CCSER2: variants seen among roughly 807,000 people sequenced by gnomAD.
CCSER2 encodes the protein serine-rich coiled-coil domain-containing protein 2.
In CCSER2, 46 loss-of-function variants were observed where a neutral mutation model predicts 92.3. The observed-to-expected ratio is 0.50, with a 90% CI of 0.39 to 0.64. The LOEUF (loss-of-function observed/expected upper bound fraction) is 0.64, where lower values mean the gene tolerates loss of function less well. Ranked by LOEUF, CCSER2 falls within the 30% of genes least tolerant of loss-of-function variation. The pLI, the probability that CCSER2 is intolerant of heterozygous loss-of-function variation, is 0.00. For missense variants in CCSER2, 1,244 were observed against 1,238.9 expected (o/e 1.00, Z -0.06); for synonymous variants, 433 against 431.4 (o/e 1.00, Z -0.04).
intron 1 of CCSER2, among the ~76,000 whole-genome samples, chr10:84,348,941 A>G (rs1341827616): frequency 6.6e-6 from 1 of 152,266 alleles, no homozygotes; most frequent in Middle Eastern, 3.4e-3. Context: ...TATCTCCTAA[A>G]TACTTCAACA....
At position 84,518,117 on chromosome 10, in the gene CCSER2, C is replaced by A. The variant is rs1849656714; in HGVS notation, c.*3850C>A. 1 of 152,134 alleles carries A rather than the reference C, an allele frequency of 6.6e-6. No individual in the cohort carries two copies. The highest frequency in any genetic ancestry group is 1.5e-5 in the Non-Finnish European group (1 of 68,016). The allele number at this position is 152,134 out of a possible 1,614,324, so 9.4% of individuals were successfully genotyped here. ...CTTTTTAAATTCTGATGCTTGAATT[C>A]TATTTTCTAGTGATTTTTCACATCT... On this transcript the variant is annotated 3_prime_UTR_variant, in exon 10 of 10. Transcript: ENST00000372088.
intron 3 of CCSER2, among the ~76,000 whole-genome samples, chr10:84,410,254 A>T (rs1842582855): frequency 6.6e-6 from 1 of 152,136 alleles, no homozygotes; most frequent in African/African-American, 2.4e-5. Context: ...TAATAGAATT[A>T]TTTATATTTC....
At chr10:84,376,209 T>C (rs894525597) in intron 3 of CCSER2, among the ~76,000 whole-genome samples, 1 of 152,198 alleles carries the variant, frequency 6.6e-6, no homozygotes, top group Non-Finnish European at 1.5e-5. Context: ...CCTGGCTATT[T>C]ATTTGTTTAC....
At chr10:84,457,355 A>AT (rs1845778743) in intron 6 of CCSER2, among the ~76,000 whole-genome samples, 24 of 65,666 alleles carry the variant, frequency 3.7e-4, no homozygotes, top group Non-Finnish European at 5.8e-4. Flanking sequence ...TATATAATAT[A>AT]TATATTTATT....
rs772457263 is a variant in CCSER2, at chr10:84,371,210, A to G, written c.158A>G (p.Asn53Ser). ...AGTAATGTCAAAAGTTACATCAAAA[A>G]TAATGGCTCTGATTGTCCATCATCT... ...KNSNVKSYIK[N>S]NGSDCPSSHS... Residue 53 changes from asparagine (N) to serine (S), a missense_variant, in exon 2 of 10, where the codon AAT (asparagine) becomes AGT (serine). Transcript: ENST00000372088. 6 of 1,613,454 alleles carry G rather than the reference A, an allele frequency of 3.7e-6. No homozygotes were observed. The highest frequency in any genetic ancestry group is 4.2e-6 in the Non-Finnish European group (5 of 1,179,756).
chr10:84,359,487 C>A (rs993706261), intron 1 of CCSER2, among the ~76,000 whole-genome samples: 3 of 152,162 alleles, frequency 2.0e-5, no homozygotes, highest in African/African-American at 7.2e-5. Context: ...TACAGAATTG[C>A]TGAGCACTAT....
chr10:84,386,492 G>A (rs945629182), intron 3 of CCSER2, among the ~76,000 whole-genome samples: 16 of 152,162 alleles, frequency 1.1e-4, no homozygotes, highest in African/African-American at 2.4e-4. Flanking sequence ...TGAGGCAGGC[G>A]GATCACTTGA....
intron 9 of CCSER2, among the ~76,000 whole-genome samples, chr10:84,512,423 G>T (rs550362358): frequency 1.2e-4 from 18 of 144,210 alleles, no homozygotes; most frequent in African/African-American, 4.1e-4. Flanking sequence ...AGAGGAGAGA[G>T]ATAATGCATT....
chr10:84,499,751 A>C, intron 9 of CCSER2: 1 of 789,488 alleles, frequency 1.3e-6, no homozygotes, highest in Non-Finnish European at 2.0e-6. Flanking sequence ...AAAAAATGAA[A>C]TCTGTCTTCT....
intron 6 of CCSER2, among the ~76,000 whole-genome samples, chr10:84,451,968 A>G (rs957098997): frequency 6.6e-6 from 1 of 152,202 alleles, no homozygotes; most frequent in Non-Finnish European, 1.5e-5. Flanking sequence ...CTCAAAAATT[A>G]TTTGTAGTGC....
intron 9 of CCSER2, among the ~76,000 whole-genome samples, chr10:84,483,776 A>G (rs184782469): frequency 8.9e-5 from 13 of 145,324 alleles, no homozygotes; most frequent in African/African-American, 3.0e-4. Context: ...AAAAATGTCA[A>G]TTTTTTTTCT....
intron 9 of CCSER2, among the ~76,000 whole-genome samples, chr10:84,484,490 CGTGTGTGTGT>C (rs143391336): frequency 2.0e-5 from 3 of 147,294 alleles, no homozygotes; most frequent in Non-Finnish European, 3.0e-5. Flanking sequence ...TGTGCATGCA[CGTGTGTGTGT>C]GTGTGTGTGT....
chr10:84,507,446 T>C (rs1849118058), intron 9 of CCSER2: 1 of 209,860 alleles, frequency 4.8e-6, no homozygotes, highest in Non-Finnish European at 8.3e-6. Context: ...TACAGGCATG[T>C]TACAGATGGC....
rs1456424571 is a variant in CCSER2 at position 84,474,586 on chromosome 10, G to A, written c.2236-2989G>A. ...TGAGACAGGAGAATCACTTGAACCC[G>A]TGAGGCCGAGGTTGCAGTGAGCCAA... On this transcript the variant is annotated intron_variant, in intron 8 of 9. Coordinates refer to ENST00000372088, the MANE Select transcript of CCSER2 (RefSeq NM_001284240.2). 4.7e-5 allele frequency among the ~76,000 whole-genome samples: 7 copies of A among 149,144 alleles called. No homozygotes were observed. The South Asian group carries it at 8.5e-4, about 18-fold the overall frequency.
At chr10:84,418,618 C>G (rs1842990453) in intron 4 of CCSER2, among the ~76,000 whole-genome samples, 1 of 152,132 alleles carries the variant, frequency 6.6e-6, no homozygotes, top group Non-Finnish European at 1.5e-5. Flanking sequence ...TGAGTGGGAT[C>G]CTTTTATCCA....
At chr10:84,377,113 A>C in intron 3 of CCSER2, among the ~76,000 whole-genome samples, 1 of 152,068 alleles carries the variant, frequency 6.6e-6, no homozygotes, top group East Asian at 1.9e-4. Context: ...TACATTTTAT[A>C]TATGTAGAGT....
chr10:84,448,354 A>G (rs553453068), intron 6 of CCSER2, among the ~76,000 whole-genome samples: 16 of 152,070 alleles, frequency 1.1e-4, no homozygotes, highest in Non-Finnish European at 1.5e-4. Flanking sequence ...GTTTGACTCT[A>G]ATATCAAGCT....
chr10:84,475,938 TC>T, intron 8 of CCSER2, among the ~76,000 whole-genome samples: 1 of 152,076 alleles, frequency 6.6e-6, no homozygotes, highest in East Asian at 1.9e-4. Context: ...GCTCAGGTGA[TC>T]CTCTCACTCA....
At chr10:84,483,475 T>C (rs1393677326) in intron 9 of CCSER2, among the ~76,000 whole-genome samples, 2 of 150,444 alleles carry the variant, frequency 1.3e-5, no homozygotes, top group South Asian at 2.1e-4. Context: ...ATTTATAAAA[T>C]AGAAAAGGAA....
Sources: allele counts gnomAD v4.1 joint callset (sites outside exome capture counted in the v4.1 genomes callset), GRCh38; gene constraint gnomAD v4.1.1; transcripts MANE v1.5; gene names NCBI Gene and HGNC (gene_info 2026-07-23, HGNC 2026-07-21).